Variants in MRC2 observed in about 807,000 individuals in gnomAD.
MRC2 encodes the protein mannose receptor C-type 2.
MRC2 carries 84 observed loss-of-function variants against 206.2 expected under a neutral mutation model. The observed-to-expected ratio is 0.41, with a 90% CI of 0.34 to 0.49. MRC2 has a LOEUF of 0.49. Ranked by LOEUF, MRC2 falls within the 20% of genes least tolerant of loss-of-function variation. MRC2 has a pLI of 0.31. For synonymous variants in MRC2, 798 were observed against 800.0 expected, an observed-to-expected ratio of 1.00 and a Z score of 0.04; for missense variants, 1,676 against 2,001.5, an observed-to-expected ratio of 0.84 and a Z score of 3.10.
At chr17:62,646,681 G>A (rs1280972753) in intron 1 of MRC2, among the ~76,000 whole-genome samples, 2 of 152,142 alleles carry the variant, frequency 1.3e-5, no homozygotes, top group Admixed American at 6.6e-5. Flanking sequence ...GGAGCCTCTC[G>A]CAGAAGGATC....
Position 62,666,869 on chromosome 17 carries a change from T to G in MRC2, c.972T>G (p.Ser324Arg), listed in dbSNP as rs747607974. 32 of 1,610,894 alleles carry G rather than the reference T, an allele frequency of 2.0e-5. No individual in the cohort carries two copies. Among genetic ancestry groups the G allele is most frequent in the Non-Finnish European group, 2.2e-5 (26 of 1,178,974 alleles). The change falls in exon 5 of 30, where the codon AGT becomes AGG. Residue 324 changes from serine (S) to arginine (R), a missense_variant and splice_region_variant. Physicochemically the swap from Ser to Arg is moderately radical, Grantham distance 110 (BLOSUM62 -1). Coordinates refer to ENST00000303375, the MANE Select transcript of MRC2 (RefSeq NM_006039.5). The surrounding 1 kb of genome is among the most constrained non-coding windows in gnomAD (Gnocchi z 5.0). ...CCCTCAAGTACCTCAACTGGGAGAG[T>G]GGTGAGGCACAAGGTTGGGGGCGCA... Reference protein sequence around the residue: ...NSPLKYLNWESDQPDNPSEEN... With the variant: ...NSPLKYLNWERDQPDNPSEEN...
Position 62,667,292 on chromosome 17 carries a change from G to C in MRC2, c.974-98G>C, listed in dbSNP as rs2088769862. 3 of 1,454,538 alleles carry C rather than the reference G, an allele frequency of 2.1e-6. No homozygotes were observed. The highest frequency in any genetic ancestry group is 1.4e-5 in the South Asian group (1 of 69,920). The allele number at this position is 1,454,538 out of a possible 1,614,324, so 90.1% of individuals were successfully genotyped here. A position where few individuals can be genotyped will look rare whatever the true frequency, so the allele number is the denominator to read the frequency against. On this transcript the variant is annotated intron_variant, in intron 5 of 29. Transcript: ENST00000303375. The surrounding 1 kb of genome is among the most constrained non-coding windows in gnomAD (Gnocchi z 4.1). The stretch of plus-strand genomic sequence containing the variant: ...GCTTCCCGAACTGGCTCAGGCTTCC[G>C]AGGGAGCAGAGGGAGGTAGGAGGTT...
In MRC2 at chr17:62,675,668, C is replaced by A. The variant is rs1010550521; in HGVS notation, c.1570-122C>A. 1.3e-6 allele frequency: 1 copy of A among 750,114 alleles called. No individual in the cohort carries two copies. Among genetic ancestry groups the A allele is most frequent in the Admixed American group, 1.9e-5 (1 of 52,138 alleles). The allele number at this position is 750,114 out of a possible 1,614,324, so 46.5% of individuals were successfully genotyped here. On this transcript the variant is annotated intron_variant, in intron 9 of 29. Transcript: ENST00000303375. This position sits in a 1 kb window ranked among gnomAD's most constrained non-coding sequence, Gnocchi z 4.1. ...AACACAGCCCAGTACTCAAACCAGT[C>A]CCCTCCGTCCTGAGCACGTTCAGTG... is the stretch of plus-strand genomic sequence containing the variant.
Position 62,671,538 on chromosome 17 carries a change from T to G in MRC2, c.1118-111T>G. The G allele has an allele frequency of 5.3e-6, 5 of 950,948 alleles. No homozygotes were observed. Among genetic ancestry groups the G allele is most frequent in the Non-Finnish European group, 6.1e-6 (4 of 653,702 alleles). 58.9% of individuals were successfully genotyped at this position (950,948 alleles called of 1,614,324 possible). ...GGGGACCGGGATTGATCTGGGAGAGTTTGGAGAGGAGGTGACTGGGAGGCC... is the reference window on the plus strand; with the variant it reads ...GGGGACCGGGATTGATCTGGGAGAGGTTGGAGAGGAGGTGACTGGGAGGCC... On this transcript the variant is annotated intron_variant, in intron 6 of 29. Transcript: ENST00000303375. The surrounding 1 kb of genome is among the most constrained non-coding windows in gnomAD (Gnocchi z 4.5).
intron 1 of MRC2, among the ~76,000 whole-genome samples, chr17:62,632,690 G>A (rs1598963060): frequency 6.6e-6 from 1 of 152,286 alleles, no homozygotes; most frequent in East Asian, 1.9e-4. Flanking sequence ...GAGGGAGCCT[G>A]GTCCCTGCCT....
At chr17:62,645,525 ATATTTT>A (rs1221594155) in intron 1 of MRC2, among the ~76,000 whole-genome samples, 224 of 38,340 alleles carry the variant, frequency 5.8e-3, no homozygotes, top group East Asian at 0.05. Context: ...ATATATATAT[ATATTTT>A]TTTTTTTTTT....
At chr17:62,632,534 C>T (rs2088256997) in intron 1 of MRC2, among the ~76,000 whole-genome samples, 1 of 152,218 alleles carries the variant, frequency 6.6e-6, no homozygotes, top group African/African-American at 2.4e-5. Context: ...CCCCATGCCT[C>T]TGGTCTCTTG....
chr17:62,642,262 CG>C (rs2088415303), intron 1 of MRC2, among the ~76,000 whole-genome samples: 1 of 152,112 alleles, frequency 6.6e-6, no homozygotes, highest in South Asian at 2.1e-4. Flanking sequence ...TTTTGTAAAA[CG>C]TCCCACAGTC....
intron 1 of MRC2, among the ~76,000 whole-genome samples, chr17:62,644,209 G>A (rs762344240): frequency 6.0e-5 from 9 of 151,220 alleles, no homozygotes; most frequent in Non-Finnish European, 8.8e-5. Flanking sequence ...ACTTGAGGTC[G>A]GGAGTTTGAG....
At chr17:62,649,098 C>T (rs1459925280) in intron 1 of MRC2, among the ~76,000 whole-genome samples, 1 of 152,228 alleles carries the variant, frequency 6.6e-6, no homozygotes, top group Non-Finnish European at 1.5e-5. Flanking sequence ...CCCAAGGGCC[C>T]AAGCAGAGGT....
chr17:62,691,874 G>A (rs927941353), intron 28 of MRC2, among the ~76,000 whole-genome samples: 2 of 151,456 alleles, frequency 1.3e-5, no homozygotes, highest in African/African-American at 2.4e-5. Flanking sequence ...GGCCTCCCAC[G>A]AGGGCTGGGC....
intron 1 of MRC2, among the ~76,000 whole-genome samples, chr17:62,645,523 A>G (rs1195440180): frequency 2.5e-5 from 1 of 40,090 alleles, no homozygotes; most frequent in Admixed American, 3.7e-4. Context: ...ATATATATAT[A>G]TATATTTTTT....
At chr17:62,661,715 T>C (rs1023075310) in intron 1 of MRC2, 7 of 152,174 alleles carry the variant, frequency 4.6e-5, no homozygotes, top group Non-Finnish European at 1.0e-4. Context: ...CTCACCATCT[T>C]TGGACCAGCC....
At chr17:62,660,752 T>A (rs2147459379) in intron 1 of MRC2, among the ~76,000 whole-genome samples, 1 of 152,312 alleles carries the variant, frequency 6.6e-6, no homozygotes, top group East Asian at 1.9e-4. Flanking sequence ...AGATTCCCTT[T>A]AACATAGCAT....
At chr17:62,683,445 G>A (rs1257272968) in intron 20 of MRC2, among the ~76,000 whole-genome samples, 2 of 147,992 alleles carry the variant, frequency 1.4e-5, no homozygotes, top group Admixed American at 6.8e-5. Flanking sequence ...TCCAGCCTGG[G>A]CAACAAAAGC....
intron 1 of MRC2, among the ~76,000 whole-genome samples, chr17:62,648,939 A>C (rs1292375872): frequency 2.0e-5 from 3 of 152,232 alleles, no homozygotes; most frequent in Admixed American, 2.0e-4. Context: ...TATCAAAAGC[A>C]GTAATGGCCT....
intron 6 of MRC2, among the ~76,000 whole-genome samples, chr17:62,669,085 AACAC>A (rs72222842): frequency 0.25 from 35,186 of 142,934 alleles, 4,563 homozygotes; most frequent in Non-Finnish European, 0.3. Context: ...AAAATATGGC[AACAC>A]ACACACACAC....
At position 62,680,554 on chromosome 17, in the gene MRC2, G is replaced by A. The variant is rs114969423; in HGVS notation, c.2473+101G>A. The A allele has an allele frequency of 7.2e-4, 1,096 of 1,512,682 alleles. 5 individuals are homozygous for A. In the African/African-American group the frequency reaches 0.014, roughly 19 times the overall value. 93.7% of individuals were successfully genotyped at this position (1,512,682 alleles called of 1,614,324 possible). Reference sequence around the variant, plus strand: ...CTGAATGAAATGGAGGGGATGAGGAGTTCCGGTCGAGAGAAGGGGGACGGG... The same window carrying A: ...CTGAATGAAATGGAGGGGATGAGGAATTCCGGTCGAGAGAAGGGGGACGGG... On this transcript the variant is annotated intron_variant, in intron 16 of 29. Transcript: ENST00000303375. The surrounding 1 kb of genome is among the most constrained non-coding windows in gnomAD (Gnocchi z 4.8).
At position 62,664,357 on chromosome 17, in the gene MRC2, G is replaced by A. The variant is rs1256024609; in HGVS notation, c.119-191G>A. ...TCCTGCAGGCCTCTGCCTCATCTGG[G>A]CACAAGGGCTTAGCACTGCCACTCA... On this transcript the variant is annotated intron_variant, in intron 1 of 29. Transcript: ENST00000303375. The surrounding 1 kb of genome is among the most constrained non-coding windows in gnomAD (Gnocchi z 4.7). 1.3e-5 allele frequency among the ~76,000 whole-genome samples: 2 copies of A among 152,194 alleles called. No individual in the cohort carries two copies. The highest frequency in any genetic ancestry group is 2.9e-5 in the Non-Finnish European group (2 of 68,026).
Sources: allele counts gnomAD v4.1 joint callset (sites outside exome capture counted in the v4.1 genomes callset), GRCh38; gene constraint gnomAD v4.1.1; non-coding constraint Gnocchi (gnomAD v3.1); transcripts MANE v1.5; gene names NCBI Gene and HGNC (gene_info 2026-07-23, HGNC 2026-07-21).